NCOA2: variants seen among roughly 807,000 people sequenced by gnomAD.
NCOA2 encodes class E basic helix-loop-helix protein 75.
Under a neutral mutation model 145.1 loss-of-function variants are expected in NCOA2, and 21 were observed. The ratio of observed to expected loss-of-function variants is 0.14; its 90% CI spans 0.10 to 0.21. The LOEUF (loss-of-function observed/expected upper bound fraction) is 0.21. Among genes scored for constraint, NCOA2 ranks in the 10% least tolerant of loss-of-function variants. The pLI is 1.00. For synonymous variants in NCOA2, 619 were observed against 637.5 expected (o/e 0.97, Z 0.44); for missense variants, 1,472 against 1,837.6 (o/e 0.80, Z 3.64).
At chr8:70,344,672 C>G (rs917506478) in intron 1 of NCOA2, among the ~76,000 whole-genome samples, 1 of 152,078 alleles carries the variant, frequency 6.6e-6, no homozygotes, top group African/African-American at 2.4e-5. Flanking sequence ...TGGACTAGGG[C>G]AGGGATAAAA....
chr8:70,152,542 TCCAAACCCTTATC>T (rs1811859697), intron 11 of NCOA2, among the ~76,000 whole-genome samples: 1 of 152,190 alleles, frequency 6.6e-6, no homozygotes, highest in African/African-American at 2.4e-5. Context: ...TTAGACTATT[TCCAAACCCTTATC>T]ATACGTGTCT....
intron 4 of NCOA2, among the ~76,000 whole-genome samples, chr8:70,203,881 CA>C (rs1818172276): frequency 1.3e-5 from 2 of 152,296 alleles, no homozygotes; most frequent in Admixed American, 6.5e-5. Flanking sequence ...GCAGCACTAA[CA>C]TAAAATGTGA....
chr8:70,343,592 A>G (rs1808335461), intron 1 of NCOA2, among the ~76,000 whole-genome samples: 3 of 152,020 alleles, frequency 2.0e-5, no homozygotes, highest in Admixed American at 2.0e-4. Flanking sequence ...CGGGCAGATC[A>G]CTTGAGGTCA....
chr8:70,174,470 A>T (rs1814608148), intron 5 of NCOA2, among the ~76,000 whole-genome samples: 1 of 152,198 alleles, frequency 6.6e-6, no homozygotes, highest in Non-Finnish European at 1.5e-5. Flanking sequence ...ATTTAGTAGG[A>T]CTTGTGAATA....
At chr8:70,334,678 T>C (rs1189088312) in intron 1 of NCOA2, among the ~76,000 whole-genome samples, 3 of 152,200 alleles carry the variant, frequency 2.0e-5, no homozygotes, top group Non-Finnish European at 4.4e-5. Flanking sequence ...CCTGAAATGA[T>C]CCTTGGCAAA....
At chr8:70,269,048 A>T (rs1045079035) in intron 2 of NCOA2, among the ~76,000 whole-genome samples, 2 of 152,136 alleles carry the variant, frequency 1.3e-5, no homozygotes, top group Non-Finnish European at 2.9e-5. Context: ...GGGGGGGAGG[A>T]CATGCATATT....
At chr8:70,349,811 T>C (rs1809008520) in intron 1 of NCOA2, among the ~76,000 whole-genome samples, 1 of 152,148 alleles carries the variant, frequency 6.6e-6, no homozygotes, top group Non-Finnish European at 1.5e-5. Context: ...TCAGTCTATA[T>C]CCCATCTTAT....
chr8:70,244,988 G>A (rs1016182276), intron 2 of NCOA2: 1 of 152,056 alleles, frequency 6.6e-6, no homozygotes, highest in Admixed American at 6.6e-5. Context: ...TATTAAGTCA[G>A]AGCACTTCTG....
intron 1 of NCOA2, among the ~76,000 whole-genome samples, chr8:70,313,684 C>T (rs1805310164): frequency 6.6e-6 from 1 of 152,094 alleles, no homozygotes; most frequent in Non-Finnish European, 1.5e-5. Flanking sequence ...TTTTAAGGTA[C>T]ACACACGAAA....
intron 2 of NCOA2, among the ~76,000 whole-genome samples, chr8:70,225,403 G>A (rs1032887708): frequency 2.6e-5 from 4 of 152,044 alleles, no homozygotes; most frequent in Admixed American, 2.6e-4. Context: ...ACAAAAATTA[G>A]CCGGGTGTGT....
chr8:70,174,533 C>T (rs921973254), intron 5 of NCOA2, among the ~76,000 whole-genome samples: 2 of 152,186 alleles, frequency 1.3e-5, no homozygotes, highest in South Asian at 2.1e-4. Context: ...AATGTCTACT[C>T]TAATCTAGTT....
At chr8:70,409,291 C>T in the NCOA2 span, among the ~76,000 whole-genome samples, 1 of 152,110 alleles carries the variant, frequency 6.6e-6, no homozygotes, top group South Asian at 2.1e-4. Flanking sequence ...CTTACACTGC[C>T]AGCTTCAATA....
chr8:70,141,753 G>C (rs1174186504), intron 13 of NCOA2, among the ~76,000 whole-genome samples: 1 of 152,188 alleles, frequency 6.6e-6, no homozygotes. Context: ...TTTCCAAAAG[G>C]GAGGTAGAGG....
At chr8:70,283,907 A>G (rs892629077) in intron 2 of NCOA2, among the ~76,000 whole-genome samples, 8 of 152,206 alleles carry the variant, frequency 5.3e-5, no homozygotes, top group Non-Finnish European at 2.9e-5. Flanking sequence ...GGGATGCTCA[A>G]TCTACATTTA....
At position 70,163,540 on chromosome 8, in the gene NCOA2, C is replaced by A; in HGVS notation, c.757G>T (p.Ala253Ser). ...EDLQSCLICV[A>S]RRVPMKERPV... ...CTTTCCTTCATGGGAACTCTTCTTGCCACGCAAATCAAGCAGGACTGCAAA... is the reference window on the plus strand; with the variant it reads ...CTTTCCTTCATGGGAACTCTTCTTGACACGCAAATCAAGCAGGACTGCAAA... Residue 253 changes from alanine (A) to serine (S), a missense_variant, in exon 8 of 23, where the codon GCA (alanine) becomes TCA (serine). Transcript: ENST00000452400. 1.2e-6 allele frequency: 2 copies of A among 1,613,780 alleles called. No individual in the cohort carries two copies. The highest frequency in any genetic ancestry group is 1.6e-4 in the Middle Eastern group (1 of 6,062).
intron 2 of NCOA2, among the ~76,000 whole-genome samples, chr8:70,248,864 A>G (rs902003010): frequency 6.6e-6 from 1 of 151,496 alleles, no homozygotes; most frequent in African/African-American, 2.4e-5. Context: ...GGGTGACTGT[A>G]TAGTAACAAT....
chr8:70,222,420 G>A (rs1820229775), intron 2 of NCOA2, among the ~76,000 whole-genome samples: 1 of 152,150 alleles, frequency 6.6e-6, no homozygotes. Context: ...CTCTTATGCT[G>A]TGTCTTAGTC....
At chr8:70,281,953 A>T (rs1301510600) in intron 2 of NCOA2, among the ~76,000 whole-genome samples, 1 of 152,232 alleles carries the variant, frequency 6.6e-6, no homozygotes, top group Non-Finnish European at 1.5e-5. Flanking sequence ...ATTTTAGTAA[A>T]ATATAACATT....
At chr8:70,184,437 G>GAGC (rs1413807606) in intron 4 of NCOA2, among the ~76,000 whole-genome samples, 8 of 152,176 alleles carry the variant, frequency 5.3e-5, no homozygotes, top group African/African-American at 1.7e-4. Context: ...CAGGATAAAA[G>GAGC]AGCACTTCAT....
Sources: gnomAD v4.1 joint callset for allele counts (sites outside exome capture counted in the v4.1 genomes callset) on GRCh38, gnomAD v4.1.1 for gene constraint, MANE v1.5 for transcripts, NCBI Gene and HGNC (gene_info 2026-07-23, HGNC 2026-07-21) for gene names.